CALN1: variants seen among roughly 807,000 people sequenced by gnomAD.
The protein encoded by CALN1 is calcium-binding protein 8.
A neutral mutation model predicts 30.6 loss-of-function variants in CALN1; 17 were observed. The observed-to-expected ratio is 0.56, with a 90% CI of 0.38 to 0.83. CALN1 has a LOEUF of 0.83. CALN1 is among the 40% of genes least tolerant of loss of function. The pLI, the probability that CALN1 is intolerant of heterozygous loss-of-function variation, is 0.00. For missense variants in CALN1, 291 were observed against 354.9 expected (o/e 0.82, Z 1.45); for synonymous variants, 156 against 131.4 (o/e 1.19, Z -1.28).
intron 5 of CALN1, among the ~76,000 whole-genome samples, chr7:71,937,531 T>A (rs571509697): frequency 1.6e-3 from 238 of 151,948 alleles, no homozygotes; most frequent in African/African-American, 5.4e-3. Context: ...CAGACGGGAG[T>A]CCGGTGGTGC....
chr7:72,179,734 T>C (rs1220394674), intron 3 of CALN1, among the ~76,000 whole-genome samples: 1 of 152,122 alleles, frequency 6.6e-6, no homozygotes, highest in Non-Finnish European at 1.5e-5. Flanking sequence ...CTTCATCTTT[T>C]TCCCCCTTTC....
At chr7:71,968,666 G>C (rs1797644363) in intron 5 of CALN1, among the ~76,000 whole-genome samples, 1 of 151,982 alleles carries the variant, frequency 6.6e-6, no homozygotes, top group African/African-American at 2.4e-5. Flanking sequence ...ACAGGTGTGA[G>C]CCACCGTGCC....
At chr7:72,083,784 T>C (rs142979770) in intron 4 of CALN1, among the ~76,000 whole-genome samples, 1,528 of 152,174 alleles carry the variant, frequency 0.01, 23 homozygotes, top group African/African-American at 0.035. Flanking sequence ...CTGGGCATGG[T>C]GGCATATGCC....
intron 4 of CALN1, among the ~76,000 whole-genome samples, chr7:72,043,615 A>G (rs1802269279): frequency 6.6e-6 from 1 of 152,088 alleles, no homozygotes; most frequent in Admixed American, 6.6e-5. Context: ...CAAAAAATAA[A>G]AAAAACTTGG....
chr7:72,368,035 G>A (rs937128110), intron 2 of CALN1, among the ~76,000 whole-genome samples: 1 of 151,878 alleles, frequency 6.6e-6, no homozygotes, highest in Admixed American at 6.6e-5. Flanking sequence ...GCAGAAGAAT[G>A]GCATGAACCC....
chr7:71,799,442 TTTATTTATTTAGTTAG>T (rs1237446927), intron 6 of CALN1, among the ~76,000 whole-genome samples: 56 of 139,262 alleles, frequency 4.0e-4, no homozygotes, highest in African/African-American at 1.6e-3. Flanking sequence ...TATTTATTTA[TTTATTTATTTAGTTAG>T]TTAGTTAGTT....
chr7:72,162,712 T>C (rs1788202000), intron 3 of CALN1, among the ~76,000 whole-genome samples: 1 of 152,092 alleles, frequency 6.6e-6, no homozygotes, highest in African/African-American at 2.4e-5. Context: ...ATACTCCACC[T>C]TGGGCAACAG....
intron 1 of CALN1, 145 bp from the exon 2 acceptor site, chr7:72,403,587 A>T: frequency 2.2e-6 from 1 of 455,164 alleles, no homozygotes; most frequent in East Asian, 3.2e-5. Context: ...AAGAAATATA[A>T]TTACAGTTGA....
intron 2 of CALN1, among the ~76,000 whole-genome samples, chr7:72,364,618 TACGGAA>T (rs1235599157): frequency 2.0e-5 from 3 of 152,178 alleles, no homozygotes; most frequent in Non-Finnish European, 4.4e-5. Flanking sequence ...ATATTCTCAG[TACGGAA>T]ACAGACAAAC....
chr7:72,366,900 G>A (rs1243555149), intron 2 of CALN1, among the ~76,000 whole-genome samples: 4 of 151,608 alleles, frequency 2.6e-5, no homozygotes, highest in Admixed American at 2.6e-4. Flanking sequence ...ATCGAGAATA[G>A]CCCCAAGCTG....
chr7:72,095,051 C>T (rs938090137), intron 4 of CALN1, among the ~76,000 whole-genome samples: 1 of 152,042 alleles, frequency 6.6e-6, no homozygotes, highest in African/African-American at 2.4e-5. Context: ...CCCTCAGTGA[C>T]CTATATCCAC....
intron 2 of CALN1, among the ~76,000 whole-genome samples, chr7:72,322,593 G>A (rs1426124471): frequency 6.6e-6 from 1 of 152,034 alleles, no homozygotes; most frequent in African/African-American, 2.4e-5. Flanking sequence ...CCACCTATTT[G>A]TGGGAACTAA....
At chr7:71,986,808 T>C (rs922926394) in intron 5 of CALN1, among the ~76,000 whole-genome samples, 1 of 152,292 alleles carries the variant, frequency 6.6e-6, no homozygotes, top group African/African-American at 2.4e-5. Context: ...TGTACTTTGT[T>C]GTAGGAGTAA....
At chr7:72,412,648 A>G (rs1376732493), upstream of CALN1, among the ~76,000 whole-genome samples, 2 of 152,212 alleles carry the variant, frequency 1.3e-5, no homozygotes, top group Non-Finnish European at 2.9e-5. Context: ...CTGGAGGAGC[A>G]GCCCCAGCCC....
chr7:72,320,973 G>A (rs1800838998), intron 2 of CALN1, among the ~76,000 whole-genome samples: 1 of 152,022 alleles, frequency 6.6e-6, no homozygotes, highest in Admixed American at 6.6e-5. Flanking sequence ...CTTCTCTGGG[G>A]TTAGGTGCCC....
At chr7:72,253,660 A>G (rs573134764) in intron 3 of CALN1, among the ~76,000 whole-genome samples, 5 of 152,350 alleles carry the variant, frequency 3.3e-5, no homozygotes, top group Admixed American at 6.5e-5. Flanking sequence ...TGATCCAATC[A>G]TCTCCCACCA....
At chr7:72,084,990 T>G (rs1478926343) in intron 4 of CALN1, among the ~76,000 whole-genome samples, 4 of 152,322 alleles carry the variant, frequency 2.6e-5, no homozygotes, top group Non-Finnish European at 4.4e-5. Flanking sequence ...ATCCAAGCTG[T>G]CTATACTACC....
At chr7:72,409,436 G>C (rs1806954952) in intron 1 of CALN1, among the ~76,000 whole-genome samples, 1 of 146,448 alleles carries the variant, frequency 6.8e-6, no homozygotes, top group Admixed American at 6.8e-5. Flanking sequence ...CTGGCGCAGA[G>C]TATAATCTTA....
intron 1 of CALN1, among the ~76,000 whole-genome samples, chr7:72,408,675 C>CATTTTT (rs1554403227): frequency 1.0e-4 from 8 of 77,964 alleles, no homozygotes; most frequent in African/African-American, 1.5e-4. Context: ...TTATCTTTTC[C>CATTTTT]TTTTTTTTTT....
Sources: allele counts gnomAD v4.1 joint callset (sites outside exome capture counted in the v4.1 genomes callset), GRCh38; gene constraint gnomAD v4.1.1; transcripts MANE v1.5; gene names NCBI Gene and HGNC (gene_info 2026-07-23, HGNC 2026-07-21).